Variants in NPSR1 observed in about 807,000 individuals in gnomAD.
NPSR1 encodes the protein neuropeptide S receptor 1.
A neutral mutation model predicts 46.9 loss-of-function variants in NPSR1; 48 were observed. That is an observed-to-expected ratio of 1.02 (90% CI 0.81 to 1.30). The LOEUF (loss-of-function observed/expected upper bound fraction) is 1.30, where lower values mean the gene tolerates loss of function less well. Among genes scored for constraint, NPSR1 ranks in the 50% most tolerant of loss-of-function variants. The pLI, the probability that NPSR1 is intolerant of heterozygous loss-of-function variation, is 0.00. For synonymous variants in NPSR1, 176 were observed against 168.1 expected, an observed-to-expected ratio of 1.05 and a Z score of -0.36; for missense variants, 450 against 449.5, an observed-to-expected ratio of 1.00 and a Z score of -0.01.
At chr7:34,796,297 C>T (rs1788168535) in intron 3 of NPSR1, among the ~76,000 whole-genome samples, 1 of 151,828 alleles carries the variant, frequency 6.6e-6, no homozygotes, top group South Asian at 2.1e-4. Context: ...AGATACAACA[C>T]CAAAGGCATG....
At chr7:34,665,455 C>G (rs1051798328) in intron 1 of NPSR1, among the ~76,000 whole-genome samples, 1 of 152,196 alleles carries the variant, frequency 6.6e-6, no homozygotes. Flanking sequence ...TGATCCTTAC[C>G]TTCTGGCAGA....
intron 3 of NPSR1, among the ~76,000 whole-genome samples, chr7:34,792,126 G>A (rs954830946): frequency 6.6e-6 from 1 of 151,922 alleles, no homozygotes; most frequent in Admixed American, 6.6e-5. Flanking sequence ...GATAAAAACA[G>A]GGGAAATGTT....
chr7:34,665,712 A>G (rs1791709722), intron 1 of NPSR1, among the ~76,000 whole-genome samples: 1 of 152,150 alleles, frequency 6.6e-6, no homozygotes, highest in Admixed American at 6.5e-5. Flanking sequence ...CAGCATCATC[A>G]CATCACTACC....
chr7:34,691,188 T>C (rs940320901), intron 2 of NPSR1, among the ~76,000 whole-genome samples: 9 of 152,208 alleles, frequency 5.9e-5, no homozygotes, highest in Non-Finnish European at 1.3e-4. Context: ...TAAGGGAATT[T>C]GTCAATACTA....
At chr7:34,818,657 G>T (rs1178064985) in intron 4 of NPSR1, among the ~76,000 whole-genome samples, 1 of 152,178 alleles carries the variant, frequency 6.6e-6, no homozygotes, top group Admixed American at 6.5e-5. Flanking sequence ...CAAGCTACCT[G>T]ACTTCAAACT....
chr7:34,709,475 A>G (rs1783161458), intron 2 of NPSR1, among the ~76,000 whole-genome samples: 1 of 151,894 alleles, frequency 6.6e-6, no homozygotes, highest in Non-Finnish European at 1.5e-5. Flanking sequence ...CTGTATAGCT[A>G]ACTCCCTCAT....
At chr7:34,854,994 A>C (rs1173055138) in intron 8 of NPSR1, among the ~76,000 whole-genome samples, 1 of 152,226 alleles carries the variant, frequency 6.6e-6, no homozygotes, top group African/African-American at 2.4e-5. Flanking sequence ...GATAACTAGA[A>C]AATTCAAATA....
chr7:34,759,378 A>C (rs1291648692), intron 2 of NPSR1, among the ~76,000 whole-genome samples: 2 of 152,074 alleles, frequency 1.3e-5, no homozygotes, highest in Non-Finnish European at 2.9e-5. Context: ...TTAAATTTAC[A>C]TCATAGGTTC....
intron 2 of NPSR1, among the ~76,000 whole-genome samples, chr7:34,699,736 T>G (rs146395599): frequency 1.5e-4 from 23 of 152,280 alleles, no homozygotes; most frequent in African/African-American, 4.8e-4. Context: ...TAACCTTAAT[T>G]ATTTCCACAG....
At chr7:34,806,018 A>T (rs1259410110) in intron 3 of NPSR1, among the ~76,000 whole-genome samples, 2 of 152,058 alleles carry the variant, frequency 1.3e-5, no homozygotes, top group South Asian at 2.1e-4. Flanking sequence ...ATTCAAAAAA[A>T]ACTGAAAATA....
At chr7:34,836,696 AAGG>A (rs1392248410) in intron 6 of NPSR1, among the ~76,000 whole-genome samples, 2 of 146,874 alleles carry the variant, frequency 1.4e-5, no homozygotes, top group Admixed American at 6.8e-5. Flanking sequence ...GGGAGGGAGA[AAGG>A]AAGGAAGGAA....
chr7:34,759,074 T>C (rs1316514911), intron 2 of NPSR1, among the ~76,000 whole-genome samples: 1 of 152,214 alleles, frequency 6.6e-6, no homozygotes, highest in Admixed American at 6.5e-5. Flanking sequence ...TCTTAGTATA[T>C]AGTATCAGCA....
intron 8 of NPSR1, among the ~76,000 whole-genome samples, chr7:34,867,744 T>C (rs13307920): frequency 1.3e-5 from 2 of 151,844 alleles, no homozygotes; most frequent in African/African-American, 2.4e-5. Flanking sequence ...TAAGAAATTA[T>C]AAAGCAAGTG....
chr7:34,756,969 T>G (rs537657692), intron 2 of NPSR1, among the ~76,000 whole-genome samples: 1 of 152,292 alleles, frequency 6.6e-6, no homozygotes, highest in African/African-American at 2.4e-5. Context: ...ATTGCCTTCT[T>G]CAGATAGTTA....
chr7:34,782,427 C>G (rs974385520), intron 3 of NPSR1, among the ~76,000 whole-genome samples: 4 of 152,136 alleles, frequency 2.6e-5, no homozygotes, highest in Admixed American at 2.0e-4. Flanking sequence ...AAGACCCTAT[C>G]AATTCTTGCT....
chr7:34,742,596 CT>C (rs1442319387), intron 2 of NPSR1, among the ~76,000 whole-genome samples: 1 of 152,148 alleles, frequency 6.6e-6, no homozygotes, highest in Non-Finnish European at 1.5e-5. Context: ...GATTCTATGT[CT>C]TTGCTCTTGT....
At chr7:34,872,047 G>C (rs1277720978) in intron 8 of NPSR1, among the ~76,000 whole-genome samples, 1 of 151,938 alleles carries the variant, frequency 6.6e-6, no homozygotes, top group African/African-American at 2.4e-5. Flanking sequence ...GAGTTTCTCT[G>C]TTGGGGCTCC....
At chr7:34,753,701 C>T (rs1785664210) in intron 2 of NPSR1, 1 of 152,006 alleles carries the variant, frequency 6.6e-6, no homozygotes, top group South Asian at 2.1e-4. Flanking sequence ...ATGTGAGCAA[C>T]ATAAAGAGAC....
chr7:34,831,002 C>T (rs777073514), intron 5 of NPSR1, among the ~76,000 whole-genome samples: 3 of 152,188 alleles, frequency 2.0e-5, no homozygotes, highest in Non-Finnish European at 4.4e-5. Context: ...ATTTCCAATA[C>T]CAACTCCACA....
Sources: allele counts gnomAD v4.1 joint callset (sites outside exome capture counted in the v4.1 genomes callset), GRCh38; gene constraint gnomAD v4.1.1; transcripts MANE v1.5; gene names NCBI Gene and HGNC (gene_info 2026-07-23, HGNC 2026-07-21).